PACSIN2: variants seen among roughly 807,000 people sequenced by gnomAD.
PACSIN2 encodes the protein protein kinase C and casein kinase substrate in neurons 2, also known as protein kinase C and casein kinase substrate in neurons protein 2.
A neutral mutation model predicts 63.8 loss-of-function variants in PACSIN2; 25 were observed. The observed-to-expected ratio is 0.39, with a 90% confidence interval of 0.29 to 0.55. The LOEUF is 0.55. Among genes scored for constraint, PACSIN2 ranks in the 20% least tolerant of loss-of-function variants. PACSIN2 has a pLI of 0.62. For missense variants in PACSIN2, 518 were observed against 646.9 expected, an observed-to-expected ratio of 0.80 and a Z score of 2.16; for synonymous variants, 255 against 256.2, an observed-to-expected ratio of 1.00 and a Z score of 0.05.
Position 42,912,174 on chromosome 22 carries a change from T to C in PACSIN2, c.-77-17A>G, listed in dbSNP as rs1931505255. 1 of 800,622 alleles carries C rather than the reference T, an allele frequency of 1.2e-6. No individual in the cohort carries two copies. The highest frequency in any genetic ancestry group is 1.8e-5 in the African/African-American group (1 of 55,850). 49.6% of individuals were successfully genotyped at this position (800,622 alleles called of 1,614,324 possible). A position where few individuals can be genotyped will look rare whatever the true frequency, so the allele number is the denominator to read the frequency against. On this transcript the variant is annotated splice_polypyrimidine_tract_variant and intron_variant, in intron 1 of 10. Transcript: ENST00000263246. ...TAGACAAACCTATAAATGAAAAACATATAACATAGTGGTTTTTAAATTCCC... is the reference window on the plus strand; with the variant it reads ...TAGACAAACCTATAAATGAAAAACACATAACATAGTGGTTTTTAAATTCCC...
At chr22:42,878,411 T>G (rs1293062702) in intron 8 of PACSIN2, among the ~76,000 whole-genome samples, 1 of 152,174 alleles carries the variant, frequency 6.6e-6, no homozygotes, top group African/African-American at 2.4e-5. Flanking sequence ...AAATGACTAT[T>G]ACTGAGTGTC....
Position 42,891,186 on chromosome 22 carries a change from T to C in PACSIN2, c.218-4A>G, listed in dbSNP as rs1402798391. ...TCCACGGTCCCGTACTGGGGCCCTGTGCAGGGGAGAGAAGCTGCGGGTCAC... is the reference window on the plus strand; with the variant it reads ...TCCACGGTCCCGTACTGGGGCCCTGCGCAGGGGAGAGAAGCTGCGGGTCAC... On this transcript the variant is annotated splice_polypyrimidine_tract_variant and splice_region_variant and intron_variant, in intron 3 of 10. Coordinates refer to ENST00000263246, the MANE Select transcript of PACSIN2 (RefSeq NM_001184970.3). 6.2e-7 allele frequency: 1 copy of C among 1,607,334 alleles called. No individual in the cohort carries two copies. The highest frequency in any genetic ancestry group is 8.5e-7 in the Non-Finnish European group (1 of 1,174,788).
intron 1 of PACSIN2, among the ~76,000 whole-genome samples, chr22:42,960,809 T>C (rs773658322): frequency 1.3e-5 from 2 of 152,196 alleles, no homozygotes. Context: ...TTCACTGATA[T>C]GTACACTTGA....
At chr22:42,982,888 A>AAAAAAAC (rs759532303) in intron 1 of PACSIN2, among the ~76,000 whole-genome samples, 9 of 105,098 alleles carry the variant, frequency 8.6e-5, no homozygotes, top group Non-Finnish European at 1.5e-4. Flanking sequence ...AAAAAAAAAA[A>AAAAAAAC]AACAACAACA....
intron 1 of PACSIN2, among the ~76,000 whole-genome samples, chr22:42,916,371 T>C (rs2146732333): frequency 6.8e-6 from 1 of 147,522 alleles, no homozygotes; most frequent in Non-Finnish European, 1.5e-5. Flanking sequence ...TGGGAACTCA[T>C]TTCTGATGTT....
chr22:42,903,749 G>C (rs1348357031), intron 2 of PACSIN2, among the ~76,000 whole-genome samples: 1 of 152,156 alleles, frequency 6.6e-6, no homozygotes, highest in South Asian at 2.1e-4. Context: ...ATTCAGAATC[G>C]CCTTGAGTCT....
At chr22:42,898,793 T>A (rs1930473263) in intron 2 of PACSIN2, among the ~76,000 whole-genome samples, 1 of 152,080 alleles carries the variant, frequency 6.6e-6, no homozygotes, top group South Asian at 2.1e-4. Flanking sequence ...GAGAACCCAA[T>A]GTCAGCCAAG....
intron 1 of PACSIN2, among the ~76,000 whole-genome samples, chr22:42,964,774 A>G (rs552230099): frequency 6.6e-6 from 1 of 152,268 alleles, no homozygotes; most frequent in East Asian, 1.9e-4. Flanking sequence ...AGCCTTTTCC[A>G]TTAGGAATTT....
intron 1 of PACSIN2, among the ~76,000 whole-genome samples, chr22:42,923,959 T>G (rs1443022337): frequency 6.6e-6 from 1 of 152,110 alleles, no homozygotes; most frequent in African/African-American, 2.4e-5. Context: ...GGGGAACTGC[T>G]TGAGCCCAGG....
At chr22:42,934,696 G>A (rs753128790) in intron 1 of PACSIN2, among the ~76,000 whole-genome samples, 31 of 152,120 alleles carry the variant, frequency 2.0e-4, no homozygotes, top group East Asian at 3.9e-4. Flanking sequence ...CCACTGTCCC[G>A]TTATAGTTCC....
intron 1 of PACSIN2, among the ~76,000 whole-genome samples, chr22:42,960,626 C>T (rs1206721129): frequency 6.6e-6 from 1 of 152,182 alleles, no homozygotes; most frequent in Non-Finnish European, 1.5e-5. Context: ...TACAAGAATA[C>T]ATGCTGTACG....
At chr22:42,938,802 C>T (rs1296148901) in intron 1 of PACSIN2, among the ~76,000 whole-genome samples, 2 of 152,100 alleles carry the variant, frequency 1.3e-5, no homozygotes, top group Non-Finnish European at 2.9e-5. Context: ...CAAGAGAAGA[C>T]GACAAGGGAA....
chr22:42,916,825 C>T (rs142495115), intron 1 of PACSIN2, among the ~76,000 whole-genome samples: 334 of 152,306 alleles, frequency 2.2e-3, no homozygotes, highest in African/African-American at 7.5e-3. Flanking sequence ...AGTCACCTGG[C>T]ATACATCTGA....
At chr22:42,949,795 A>T (rs1202281917) in intron 1 of PACSIN2, among the ~76,000 whole-genome samples, 2 of 152,166 alleles carry the variant, frequency 1.3e-5, no homozygotes, top group African/African-American at 4.8e-5. Context: ...CTGTGTCCCA[A>T]ATTCTTAAAT....
At chr22:42,954,131 C>T (rs1933815970) in intron 1 of PACSIN2, among the ~76,000 whole-genome samples, 1 of 152,180 alleles carries the variant, frequency 6.6e-6, no homozygotes, top group Non-Finnish European at 1.5e-5. Context: ...GGCATGGTGA[C>T]ATGTGCCTAT....
intron 1 of PACSIN2, among the ~76,000 whole-genome samples, chr22:42,975,644 G>T (rs1394101473): frequency 4.7e-5 from 6 of 127,102 alleles, no homozygotes; most frequent in African/African-American, 1.2e-4. Context: ...CCAGAGCCTT[G>T]TCAATATTCT....
chr22:42,953,672 T>G (rs150256030), intron 1 of PACSIN2, among the ~76,000 whole-genome samples: 1 of 152,224 alleles, frequency 6.6e-6, no homozygotes, highest in East Asian at 1.9e-4. Context: ...CTTCATTTTA[T>G]AGCTGAAGAA....
intron 1 of PACSIN2, among the ~76,000 whole-genome samples, chr22:42,972,511 A>AATAT (rs149497437): frequency 6.6e-6 from 1 of 150,754 alleles, no homozygotes; most frequent in Admixed American, 6.6e-5. Flanking sequence ...ATAAATACTA[A>AATAT]ATATATATAT....
intron 5 of PACSIN2, 21 bp from the exon 6 acceptor site, chr22:42,884,582 A>G (rs773884817): frequency 1.9e-6 from 3 of 1,605,702 alleles, no homozygotes; most frequent in Non-Finnish European, 2.6e-6. Flanking sequence ...ATCCAGGCAC[A>G]AGACAGAGGT....
Sources: gnomAD v4.1 joint callset for allele counts (sites outside exome capture counted in the v4.1 genomes callset) on GRCh38, gnomAD v4.1.1 for gene constraint, MANE v1.5 for transcripts, NCBI Gene and HGNC (gene_info 2026-07-23, HGNC 2026-07-21) for gene names.